The following TACR1 variants were observed in gnomAD, a reference collection of about 807,000 sequenced individuals.
The protein encoded by TACR1 is tachykinin receptor 1, also known as substance-P receptor.
Under a neutral mutation model 35.8 loss-of-function variants are expected in TACR1, and 25 were observed. That is an observed-to-expected ratio of 0.70 (90% CI 0.51 to 0.98). The LOEUF (loss-of-function observed/expected upper bound fraction) is 0.98. Ranked by LOEUF, TACR1 falls within the 50% of genes least tolerant of loss-of-function variation. TACR1 has a pLI of 0.00. For missense variants in TACR1, 478 were observed against 522.9 expected (o/e 0.91, Z 0.84); for synonymous variants, 195 against 206.7 (o/e 0.94, Z 0.48).
intron 1 of TACR1, among the ~76,000 whole-genome samples, chr2:75,186,544 T>G (rs1675708729): frequency 6.6e-6 from 1 of 152,062 alleles, no homozygotes; most frequent in Non-Finnish European, 1.5e-5. Context: ...ATTTTACGAT[T>G]TATTTATAAT....
intron 2 of TACR1, among the ~76,000 whole-genome samples, chr2:75,063,147 C>G (rs555829321): frequency 6.6e-6 from 1 of 152,332 alleles, no homozygotes; most frequent in Admixed American, 6.5e-5. Context: ...TCCCATGACT[C>G]AATTACCTCC....
chr2:75,159,699 T>C (rs1414468696), intron 1 of TACR1, among the ~76,000 whole-genome samples: 2 of 152,176 alleles, frequency 1.3e-5, no homozygotes, highest in Non-Finnish European at 2.9e-5. Context: ...ACACTTTCCC[T>C]AATATTAGTT....
At chr2:75,175,356 G>T (rs548251261) in intron 1 of TACR1, among the ~76,000 whole-genome samples, 13 of 152,202 alleles carry the variant, frequency 8.5e-5, no homozygotes, top group African/African-American at 3.1e-4. Context: ...CCCAAACCTA[G>T]AACTTATCTC....
intron 1 of TACR1, among the ~76,000 whole-genome samples, chr2:75,193,813 T>G (rs1675905575): frequency 6.6e-6 from 1 of 152,206 alleles, no homozygotes. Context: ...TATGAAACAT[T>G]TTACTTAATA....
At chr2:75,174,356 T>C (rs191921605) in intron 1 of TACR1, among the ~76,000 whole-genome samples, 32 of 152,246 alleles carry the variant, frequency 2.1e-4, no homozygotes, top group Admixed American at 7.8e-4. Context: ...ACCCTATATA[T>C]ATAGACTAAA....
intron 1 of TACR1, among the ~76,000 whole-genome samples, chr2:75,124,714 A>G (rs896989422): frequency 5.3e-5 from 8 of 152,230 alleles, no homozygotes; most frequent in Non-Finnish European, 7.3e-5. Context: ...GCATGGCTGT[A>G]TGATAATAAC....
intron 1 of TACR1, among the ~76,000 whole-genome samples, chr2:75,124,156 T>C (rs1674026502): frequency 6.6e-6 from 1 of 152,178 alleles, no homozygotes; most frequent in Non-Finnish European, 1.5e-5. Context: ...TCAGGACTGA[T>C]TTGAATTGTA....
chr2:75,174,912 T>G (rs1458909944), intron 1 of TACR1, among the ~76,000 whole-genome samples: 1 of 152,192 alleles, frequency 6.6e-6, no homozygotes, highest in Non-Finnish European at 1.5e-5. Flanking sequence ...GGGCAGAGGA[T>G]GATGAGGGGC....
At chr2:75,196,524 C>T (rs146136188) in intron 1 of TACR1, among the ~76,000 whole-genome samples, 37 of 152,204 alleles carry the variant, frequency 2.4e-4, no homozygotes, top group Non-Finnish European at 3.8e-4. Flanking sequence ...CTCTGGCATC[C>T]GAGACCTTTT....
chr2:75,079,772 A>G (rs1673047925), intron 2 of TACR1, among the ~76,000 whole-genome samples: 1 of 142,286 alleles, frequency 7.0e-6, no homozygotes, highest in South Asian at 2.2e-4. Context: ...TCACTCTGGA[A>G]TGAGTCATTT....
At chr2:75,156,134 TATC>T (rs1241051605) in intron 1 of TACR1, 1 of 152,204 alleles carries the variant, frequency 6.6e-6, no homozygotes, top group Non-Finnish European at 1.5e-5. Flanking sequence ...GTGTGACAAA[TATC>T]ATATTGTGCA....
At chr2:75,163,878 G>C (rs1364262144) in intron 1 of TACR1, among the ~76,000 whole-genome samples, 2 of 151,880 alleles carry the variant, frequency 1.3e-5, no homozygotes, top group Admixed American at 1.3e-4. Context: ...CTTCATGTTA[G>C]TTAACCAGTC....
intron 1 of TACR1, among the ~76,000 whole-genome samples, chr2:75,185,699 A>G (rs1394418788): frequency 6.6e-6 from 1 of 152,222 alleles, no homozygotes; most frequent in African/African-American, 2.4e-5. Flanking sequence ...GGAACACTCC[A>G]ATATGTTGGA....
At chr2:75,091,133 T>A (rs1369402534) in intron 2 of TACR1, among the ~76,000 whole-genome samples, 1 of 147,160 alleles carries the variant, frequency 6.8e-6, no homozygotes, top group Non-Finnish European at 1.5e-5. Flanking sequence ...AAATTTTTTA[T>A]CTCACACATT....
intron 2 of TACR1, among the ~76,000 whole-genome samples, chr2:75,085,896 A>T (rs2103842308): frequency 6.6e-6 from 1 of 152,322 alleles, no homozygotes; most frequent in African/African-American, 2.4e-5. Context: ...CTTTATGTAC[A>T]CCACTAGTAT....
rs113626551 is a variant in TACR1, at chr2:75,102,784, A to G, written c.584+17790T>C. Among the ~76,000 whole-genome samples, 685 of 152,268 alleles carry G rather than the reference A, an allele frequency of 4.5e-3. 3 individuals carry two copies. Among genetic ancestry groups the G allele is most frequent in the African/African-American group, 0.015 (613 of 41,570 alleles). ...ATTATCAAATATGTAAGAAAGTACT[A>G]TTTTCTGCAGAGAAACTACCAAAAG... On this transcript the variant is annotated intron_variant, in intron 2 of 4. Transcript: ENST00000305249.
chr2:75,153,720 A>G (rs1674726722), intron 1 of TACR1, among the ~76,000 whole-genome samples: 1 of 152,230 alleles, frequency 6.6e-6, no homozygotes, highest in Admixed American at 6.5e-5. Flanking sequence ...TGTGGCTGCT[A>G]ACCCTTTTAA....
chr2:75,130,753 AAGC>A (rs1674162129), intron 1 of TACR1, among the ~76,000 whole-genome samples: 1 of 152,048 alleles, frequency 6.6e-6, no homozygotes, highest in African/African-American at 2.4e-5. Flanking sequence ...ACATCTGCTG[AAGC>A]AGCAGCAGCA....
intron 1 of TACR1, among the ~76,000 whole-genome samples, chr2:75,178,020 A>G (rs1237692347): frequency 6.6e-6 from 1 of 152,044 alleles, no homozygotes; most frequent in Non-Finnish European, 1.5e-5. Flanking sequence ...TTTTATCATA[A>G]AATCTACCAG....
Sources: gnomAD v4.1 joint callset for allele counts (sites outside exome capture counted in the v4.1 genomes callset) on GRCh38, gnomAD v4.1.1 for gene constraint, MANE v1.5 for transcripts, NCBI Gene and HGNC (gene_info 2026-07-23, HGNC 2026-07-21) for gene names.